Variants in AJAP1 observed in about 807,000 individuals in gnomAD.
The protein encoded by AJAP1 is adherens junctions associated protein 1, also known as adherens junction-associated protein 1.
In AJAP1, 5 loss-of-function variants were observed where a neutral mutation model predicts 35.0. The observed-to-expected ratio is 0.14, with a 90% CI of 0.07 to 0.30. The LOEUF (loss-of-function observed/expected upper bound fraction) is 0.30. AJAP1 is among the 10% of genes least tolerant of loss of function. The pLI, the probability that AJAP1 is intolerant of heterozygous loss-of-function variation, is 1.00. For synonymous variants in AJAP1, 284 were observed against 249.3 expected, an observed-to-expected ratio of 1.14 and a Z score of -1.31; for missense variants, 586 against 571.0, an observed-to-expected ratio of 1.03 and a Z score of -0.27.
chr1:4,687,660 C>T (rs1639637919), intron 1 of AJAP1, among the ~76,000 whole-genome samples: 1 of 152,178 alleles, frequency 6.6e-6, no homozygotes, highest in Admixed American at 6.5e-5. Context: ...CACAGCTGTT[C>T]AGTGCCAAAC....
At chr1:4,765,349 A>G (rs1458119430) in intron 2 of AJAP1, among the ~76,000 whole-genome samples, 3 of 152,208 alleles carry the variant, frequency 2.0e-5, no homozygotes, top group Admixed American at 2.0e-4. Flanking sequence ...TGGACAGCTG[A>G]CATGGAAACT....
intron 2 of AJAP1, among the ~76,000 whole-genome samples, chr1:4,760,038 A>G (rs1641528272): frequency 6.6e-6 from 1 of 152,160 alleles, no homozygotes; most frequent in South Asian, 2.1e-4. Context: ...CAGAGCCATC[A>G]TCTTTTGTGG....
intron 2 of AJAP1, among the ~76,000 whole-genome samples, chr1:4,728,147 A>G (rs1640713169): frequency 6.6e-6 from 1 of 152,202 alleles, no homozygotes; most frequent in Non-Finnish European, 1.5e-5. Context: ...GGCAAAGACA[A>G]CTAGGAGAGC....
chr1:4,692,840 A>C lies in AJAP1; in HGVS notation c.30-19060A>C, dbSNP rs144375464. 5.9e-5 allele frequency among the ~76,000 whole-genome samples: 9 copies of C among 152,176 alleles called. No homozygotes were observed. The highest frequency in any genetic ancestry group is 1.2e-4 in the Non-Finnish European group (8 of 68,022). ...TTCCTCTGTCTGTTGGCCCACGAAC[A>C]GGCATTAAGTGCACATTTTTCCAAG... is the stretch of plus-strand genomic sequence containing the variant. On this transcript the variant is annotated intron_variant, in intron 1 of 5. Coordinates refer to ENST00000378191, the MANE Select transcript of AJAP1 (RefSeq NM_018836.4). This position sits in a 1 kb window ranked among gnomAD's most constrained non-coding sequence, Gnocchi z 4.4.
At chr1:4,752,941 C>T (rs554393543) in intron 2 of AJAP1, among the ~76,000 whole-genome samples, 4 of 152,322 alleles carry the variant, frequency 2.6e-5, no homozygotes, top group East Asian at 1.9e-4. Flanking sequence ...TCAAACTTCC[C>T]GCCAACCCTT....
chr1:4,704,570 GGTTA>G (rs1253679467), intron 1 of AJAP1, among the ~76,000 whole-genome samples: 1 of 152,020 alleles, frequency 6.6e-6, no homozygotes, highest in Non-Finnish European at 1.5e-5. Context: ...TGGACATTTG[GGTTA>G]GTTCCAAGTC....
chr1:4,658,694 A>C (rs1377059940), intron 1 of AJAP1, among the ~76,000 whole-genome samples: 1 of 152,164 alleles, frequency 6.6e-6, no homozygotes, highest in African/African-American at 2.4e-5. Context: ...TTGGGGATAC[A>C]CTGGCCAAGT....
At chr1:4,774,590 C>A in intron 5 of AJAP1, 32 bp downstream of exon 5, 2 of 1,327,118 alleles carry the variant, frequency 1.5e-6, no homozygotes, top group Non-Finnish European at 2.2e-6. Flanking sequence ...TTCCTGTTTT[C>A]GTTCCCTTTC....
In AJAP1 at chr1:4,692,460, T is replaced by G. The variant is rs931302494; in HGVS notation, c.30-19440T>G. Among the ~76,000 whole-genome samples the G allele has an allele frequency of 6.6e-6, 1 of 152,172 alleles. No individual in the cohort carries two copies. The highest frequency in any genetic ancestry group is 1.5e-5 in the Non-Finnish European group (1 of 68,018). ...TTACGAGGACTTGTAATTGCTTTGC[T>G]GGCTGGGTCCCAAGGAAGCACCTGC... On this transcript the variant is annotated intron_variant, in intron 1 of 5. Coordinates refer to ENST00000378191, the MANE Select transcript of AJAP1 (RefSeq NM_018836.4). The surrounding 1 kb of genome is among the most constrained non-coding windows in gnomAD (Gnocchi z 4.4).
intron 1 of AJAP1, among the ~76,000 whole-genome samples, chr1:4,689,568 G>A (rs1336547203): frequency 6.6e-6 from 1 of 152,218 alleles, no homozygotes; most frequent in African/African-American, 2.4e-5. Flanking sequence ...GCAGGATGGG[G>A]GTGCCTGGAT....
chr1:4,661,352 T>A (rs962870580), intron 1 of AJAP1, among the ~76,000 whole-genome samples: 6 of 152,232 alleles, frequency 3.9e-5, no homozygotes, highest in African/African-American at 1.4e-4. Flanking sequence ...TGCTAAACTG[T>A]TCAGCCATTC....
At chr1:4,743,452 A>C (rs1479218756) in intron 2 of AJAP1, among the ~76,000 whole-genome samples, 1 of 152,092 alleles carries the variant, frequency 6.6e-6, no homozygotes, top group African/African-American at 2.4e-5. Context: ...GGGAACTTAT[A>C]CTTTACAGGA....
Position 4,782,600 on chromosome 1 carries a change from AAACCT to A in AJAP1, c.*118_*122del, listed in dbSNP as rs1330911314. On this transcript the variant is annotated 3_prime_UTR_variant, in exon 6 of 6. Transcript: ENST00000378191. The surrounding 1 kb of genome is among the most constrained non-coding windows in gnomAD (Gnocchi z 5.3). Reference sequence around the variant, plus strand: ...CAAACAAAACAAAACAAAAAAGACAAAACCTAAAACTGAGCTATCTAAGGGGGAGG... The same window carrying A: ...CAAACAAAACAAAACAAAAAAGACAAAAAACTGAGCTATCTAAGGGGGAGG... The A allele has an allele frequency of 2.3e-4, 92 of 396,958 alleles. 1 individual carries two copies. Among genetic ancestry groups the A allele is most frequent in the Non-Finnish European group, 5.8e-5 (13 of 225,662 alleles). 24.6% of individuals were successfully genotyped at this position (396,958 alleles called of 1,614,324 possible). A position where few individuals can be genotyped will look rare whatever the true frequency, so the allele number is the denominator to read the frequency against.
At chr1:4,716,682 A>AATGGTGGTG (rs1553157821) in intron 2 of AJAP1, among the ~76,000 whole-genome samples, 157 of 150,986 alleles carry the variant, frequency 1.0e-3, no homozygotes, top group African/African-American at 3.7e-3. Context: ...TAATGGTGGA[A>AATGGTGGTG]ATGGTGGTGA....
Position 4,769,790 on chromosome 1 carries a change from G to A in AJAP1, c.830-63G>A, listed in dbSNP as rs534232162. The A allele has an allele frequency of 2.6e-5, 38 of 1,437,526 alleles. No homozygotes were observed. In the East Asian group the frequency reaches 4.3e-4, roughly 16 times the overall value. The allele number at this position is 1,437,526 out of a possible 1,614,324, so 89.0% of individuals were successfully genotyped here. ...GGGGGGATGCACCTCCACCTTTCCCGGCCCCCCTCGCCTCCTGAACCTGGT... is the reference window on the plus strand; with the variant it reads ...GGGGGGATGCACCTCCACCTTTCCCAGCCCCCCTCGCCTCCTGAACCTGGT... On this transcript the variant is annotated intron_variant, in intron 2 of 5. Transcript: ENST00000378191.
chr1:4,736,070 A>G (rs1313516946), intron 2 of AJAP1, among the ~76,000 whole-genome samples: 1 of 152,216 alleles, frequency 6.6e-6, no homozygotes, highest in African/African-American at 2.4e-5. Flanking sequence ...GGGTAAGAAA[A>G]ATGCCAACCT....
chr1:4,707,638 C>A (rs944543687), intron 1 of AJAP1, among the ~76,000 whole-genome samples: 2 of 152,122 alleles, frequency 1.3e-5, no homozygotes, highest in African/African-American at 4.8e-5. Flanking sequence ...AACATTATGC[C>A]AGATCCCCTT....
At chr1:4,765,035 G>A (rs1396659663) in intron 2 of AJAP1, among the ~76,000 whole-genome samples, 2 of 152,180 alleles carry the variant, frequency 1.3e-5, no homozygotes, top group Admixed American at 1.3e-4. Flanking sequence ...TTATTTTGGG[G>A]ATAATTTTTC....
intron 1 of AJAP1, among the ~76,000 whole-genome samples, chr1:4,686,615 G>A (rs1476009857): frequency 6.6e-6 from 1 of 152,228 alleles, no homozygotes; most frequent in Non-Finnish European, 1.5e-5. Context: ...GCTTTGCCGA[G>A]CAGGAGGCCT....
Sources: gnomAD v4.1 joint callset for allele counts (sites outside exome capture counted in the v4.1 genomes callset) on GRCh38, gnomAD v4.1.1 for gene constraint, Gnocchi (gnomAD v3.1) non-coding constraint, MANE v1.5 for transcripts, NCBI Gene and HGNC (gene_info 2026-07-23, HGNC 2026-07-21) for gene names.